SUCLG2: variants seen among roughly 807,000 people sequenced by gnomAD.
SUCLG2 encodes the protein succinate--CoA ligase [GDP-forming] subunit beta, mitochondrial.
A neutral mutation model predicts 47.9 loss-of-function variants in SUCLG2; 42 were observed. That is an observed-to-expected ratio of 0.88 (90% CI 0.69 to 1.14). The LOEUF is 1.14. Among genes scored for constraint, SUCLG2 ranks in the 50% most tolerant of loss-of-function variants. The pLI, the probability that SUCLG2 is intolerant of heterozygous loss-of-function variation, is 0.00. For missense variants in SUCLG2, 571 were observed against 525.9 expected (o/e 1.09, Z -0.84); for synonymous variants, 195 against 197.3 (o/e 0.99, Z 0.10).
intron 2 of SUCLG2, 119 bp from the exon 3 acceptor site, chr3:67,529,305 C>G: frequency 1.4e-6 from 1 of 704,452 alleles, no homozygotes; most frequent in Non-Finnish European, 2.3e-6. Context: ...CTCTCTCAAA[C>G]TAACTTTGAA....
chr3:67,597,993 T>A (rs1708333264), intron 2 of SUCLG2, among the ~76,000 whole-genome samples: 1 of 151,970 alleles, frequency 6.6e-6, no homozygotes, highest in South Asian at 2.1e-4. Context: ...TTTTCCTTTT[T>A]TTTTGGAGAC....
At chr3:67,484,912 T>C (rs768414742) in intron 9 of SUCLG2, among the ~76,000 whole-genome samples, 8 of 152,172 alleles carry the variant, frequency 5.3e-5, no homozygotes, top group Non-Finnish European at 1.0e-4. Context: ...CTTAAGAGGT[T>C]TTTGGTAAAA....
At chr3:67,462,258 A>G (rs1704355349) in intron 9 of SUCLG2, among the ~76,000 whole-genome samples, 1 of 151,422 alleles carries the variant, frequency 6.6e-6, no homozygotes, top group South Asian at 2.1e-4. Context: ...ATATACTCTA[A>G]TCTCCCCCCA....
At chr3:67,458,032 T>G (rs1320089473) in intron 9 of SUCLG2, among the ~76,000 whole-genome samples, 1 of 151,988 alleles carries the variant, frequency 6.6e-6, no homozygotes, top group Non-Finnish European at 1.5e-5. Flanking sequence ...AAGGGCCACA[T>G]AGGGAGGCTG....
intron 9 of SUCLG2, among the ~76,000 whole-genome samples, chr3:67,417,861 T>C (rs934493053): frequency 2.6e-5 from 4 of 152,180 alleles, no homozygotes; most frequent in African/African-American, 4.8e-5. Flanking sequence ...CTTTGCAAGG[T>C]GGCCCATTGC....
intron 2 of SUCLG2, among the ~76,000 whole-genome samples, chr3:67,594,906 A>C (rs557096123): frequency 6.6e-5 from 10 of 152,350 alleles, no homozygotes; most frequent in Admixed American, 3.9e-4. Flanking sequence ...AAAACCAGAA[A>C]GAATTACACC....
rs1005671704 is a variant in SUCLG2, at chr3:67,576,965, G to C, written c.226+32490C>G. ...AGCCCAAAATGGATTAACCACCTGA[G>C]TTTAAAGAACTCTACTGATTGATCG... On this transcript the variant is annotated intron_variant, in intron 2 of 10. Coordinates refer to ENST00000307227, the MANE Select transcript of SUCLG2 (RefSeq NM_003848.4). Among the ~76,000 whole-genome samples the C allele has an allele frequency of 1.8e-4, 28 of 152,122 alleles. 1 individual carries two copies. In the East Asian group the frequency reaches 3.5e-3, roughly 19 times the overall value.
At chr3:67,626,514 A>G (rs1266331971) in intron 1 of SUCLG2, among the ~76,000 whole-genome samples, 1 of 152,176 alleles carries the variant, frequency 6.6e-6, no homozygotes, top group African/African-American at 2.4e-5. Flanking sequence ...AGGGCACAAG[A>G]GCAAGAATGA....
intron 2 of SUCLG2, among the ~76,000 whole-genome samples, chr3:67,557,297 G>A (rs1707187600): frequency 3.3e-5 from 5 of 152,138 alleles, no homozygotes; most frequent in Non-Finnish European, 1.5e-5. Flanking sequence ...ATCAATTTGA[G>A]ATGAACAGAG....
intron 1 of SUCLG2, among the ~76,000 whole-genome samples, chr3:67,612,707 G>C (rs1258540912): frequency 1.3e-5 from 2 of 152,114 alleles, no homozygotes; most frequent in Non-Finnish European, 2.9e-5. Context: ...CTGAAGTTAG[G>C]CGATGCCGTA....
At chr3:67,526,199 A>G (rs1706251558) in intron 4 of SUCLG2, among the ~76,000 whole-genome samples, 1 of 152,206 alleles carries the variant, frequency 6.6e-6, no homozygotes, top group Non-Finnish European at 1.5e-5. Flanking sequence ...GGGATGTCCA[A>G]TATTTTGGCT....
At chr3:67,649,121 A>G (rs1701242052) in intron 1 of SUCLG2, among the ~76,000 whole-genome samples, 1 of 152,248 alleles carries the variant, frequency 6.6e-6, no homozygotes. Flanking sequence ...ACGTTGAATC[A>G]GAAAGCTGAT....
chr3:67,554,080 C>T (rs1043554730), intron 2 of SUCLG2, among the ~76,000 whole-genome samples: 2 of 152,124 alleles, frequency 1.3e-5, no homozygotes, highest in Non-Finnish European at 2.9e-5. Flanking sequence ...GTAGCCCTCT[C>T]GGTCGGGGTA....
rs1474877056 is a variant in SUCLG2, at chr3:67,486,436, G to A, written c.1062+9362C>T. 3.9e-5 allele frequency among the ~76,000 whole-genome samples: 6 copies of A among 152,286 alleles called. No individual in the cohort carries two copies. The East Asian group carries it at 1.2e-3, about 29-fold the overall frequency. Reference sequence around the variant, plus strand: ...GGTCTATACAGTCACTAAAACCACTGAATTAGCAAATACTCAACCATTGTT... The same window carrying A: ...GGTCTATACAGTCACTAAAACCACTAAATTAGCAAATACTCAACCATTGTT... On this transcript the variant is annotated intron_variant, in intron 9 of 10. Coordinates refer to ENST00000307227, the MANE Select transcript of SUCLG2 (RefSeq NM_003848.4).
intron 9 of SUCLG2, among the ~76,000 whole-genome samples, chr3:67,439,467 T>C (rs905288434): frequency 1.3e-5 from 2 of 152,210 alleles, no homozygotes; most frequent in African/African-American, 4.8e-5. Flanking sequence ...TATGACATGA[T>C]TGTATATTTA....
intron 2 of SUCLG2, among the ~76,000 whole-genome samples, chr3:67,576,676 C>T (rs1302424293): frequency 3.9e-5 from 6 of 152,182 alleles, no homozygotes; most frequent in African/African-American, 1.4e-4. Flanking sequence ...AAGAAACTTA[C>T]TGAGTGCCAC....
chr3:67,549,306 C>T (rs1042736880), intron 2 of SUCLG2, among the ~76,000 whole-genome samples: 11 of 152,282 alleles, frequency 7.2e-5, no homozygotes, highest in Middle Eastern at 3.4e-3. Context: ...AGCTTTTCTA[C>T]GCTATCAATG....
chr3:67,514,154 G>T, intron 6 of SUCLG2: 1 of 293,892 alleles, frequency 3.4e-6, no homozygotes. Context: ...ACCTATGCAA[G>T]ATCAGCAAAT....
intron 2 of SUCLG2, among the ~76,000 whole-genome samples, chr3:67,546,678 C>T (rs1160473930): frequency 4.6e-5 from 7 of 152,046 alleles, no homozygotes; most frequent in Admixed American, 6.5e-5. Flanking sequence ...GAGGTTGCAG[C>T]GAGCCGAGAT....
Sources: allele counts gnomAD v4.1 joint callset (sites outside exome capture counted in the v4.1 genomes callset), GRCh38; gene constraint gnomAD v4.1.1; transcripts MANE v1.5; gene names NCBI Gene and HGNC (gene_info 2026-07-23, HGNC 2026-07-21).